NDUFAF6: variants seen among roughly 807,000 people sequenced by gnomAD.
NDUFAF6 encodes the protein NADH:ubiquinone oxidoreductase complex assembly factor 6.
Under a neutral mutation model 40.8 loss-of-function variants are expected in NDUFAF6, and 45 were observed. That is an observed-to-expected ratio of 1.10 (90% CI 0.87 to 1.42). The LOEUF (loss-of-function observed/expected upper bound fraction) is 1.42, where lower values mean the gene tolerates loss of function less well. Ranked by LOEUF, NDUFAF6 falls within the 40% of genes most tolerant of loss-of-function variation. The pLI is 0.00. For synonymous variants in NDUFAF6, 185 were observed against 155.9 expected (o/e 1.19, Z -1.39); for missense variants, 435 against 418.5 (o/e 1.04, Z -0.34).
At chr8:94,968,861 T>C (rs548215740) in intron 1 of NDUFAF6, among the ~76,000 whole-genome samples, 24 of 152,162 alleles carry the variant, frequency 1.6e-4, no homozygotes, top group African/African-American at 5.8e-4. Flanking sequence ...GTTCTAGATA[T>C]ATTTGATAAG....
chr8:94,900,127 T>C (rs1817921987), intron 1 of NDUFAF6, among the ~76,000 whole-genome samples: 1 of 152,144 alleles, frequency 6.6e-6, no homozygotes, highest in South Asian at 2.1e-4. Context: ...AACTTATGCT[T>C]GCCTCTACCC....
At chr8:95,106,274 C>CA (rs772574749), downstream of NDUFAF6, among the ~76,000 whole-genome samples, 1,347 of 87,374 alleles carry the variant, frequency 0.015, 11 homozygotes, top group East Asian at 0.076. Context: ...GACTCCATCT[C>CA]AAAAAAAAAA....
intron 8 of NDUFAF6, among the ~76,000 whole-genome samples, chr8:95,054,976 C>G (rs1831942364): frequency 6.6e-6 from 1 of 152,192 alleles, no homozygotes; most frequent in African/African-American, 2.4e-5. Context: ...AATTCATATT[C>G]AGAAATTTAT....
intron 1 of NDUFAF6, among the ~76,000 whole-genome samples, chr8:94,914,277 C>T (rs1052093791): frequency 6.6e-6 from 1 of 152,062 alleles, no homozygotes; most frequent in Non-Finnish European, 1.5e-5. Context: ...AAGTCTTCAT[C>T]TGTAGATTTG....
chr8:95,088,395 G>A (rs1352802020), intron 2 of NDUFAF6, among the ~76,000 whole-genome samples: 1 of 152,136 alleles, frequency 6.6e-6, no homozygotes, highest in Non-Finnish European at 1.5e-5. Context: ...CCTTCCCCAC[G>A]TTGAGCTAGA....
At chr8:94,948,781 G>A (rs563104575) in intron 2 of NDUFAF6, among the ~76,000 whole-genome samples, 22 of 152,252 alleles carry the variant, frequency 1.4e-4, no homozygotes, top group South Asian at 2.1e-4. Flanking sequence ...GGAGTGAGGA[G>A]GGGTGAGAGG....
chr8:94,957,548 A>T (rs2131458459), upstream of NDUFAF6, among the ~76,000 whole-genome samples: 1 of 152,360 alleles, frequency 6.6e-6, no homozygotes, highest in East Asian at 1.9e-4. Context: ...TTGGAAGGAA[A>T]GTGTGACCAC....
downstream of NDUFAF6, among the ~76,000 whole-genome samples, chr8:95,104,933 A>C (rs1809774814): frequency 6.6e-6 from 1 of 152,132 alleles, no homozygotes; most frequent in South Asian, 2.1e-4. Context: ...AGGAAACAAA[A>C]GGATGCCCAG....
At chr8:95,096,908 G>T (rs189378549), upstream of NDUFAF6, among the ~76,000 whole-genome samples, 1 of 152,170 alleles carries the variant, frequency 6.6e-6, no homozygotes, top group East Asian at 1.9e-4. Context: ...CATTTTCCTC[G>T]TAATTGCCAA....
intron 9 of NDUFAF6, chr8:95,067,855 CT>C: frequency 6.6e-6 from 1 of 151,974 alleles, no homozygotes; most frequent in African/African-American, 2.4e-5. Context: ...GGGTGGGAGC[CT>C]TTTGTCAGAT....
At chr8:95,055,182 T>C (rs1831970048) in intron 8 of NDUFAF6, 1 of 152,160 alleles carries the variant, frequency 6.6e-6, no homozygotes, top group Non-Finnish European at 1.5e-5. Flanking sequence ...TTGGACAATA[T>C]AAACAGTATT....
At chr8:95,095,044 A>T (rs1409933176) in intron 2 of NDUFAF6, among the ~76,000 whole-genome samples, 1 of 151,844 alleles carries the variant, frequency 6.6e-6, no homozygotes, top group Non-Finnish European at 1.5e-5. Context: ...GGTGGCCACC[A>T]TGCCTGGCCC....
Position 95,045,599 on chromosome 8 carries a change from G to T in NDUFAF6, c.532G>T (p.Ala178Ser). 4 of 1,613,532 alleles carry T rather than the reference G, an allele frequency of 2.5e-6. No homozygotes were observed. The highest frequency in any genetic ancestry group is 3.4e-6 in the Non-Finnish European group (4 of 1,179,700). Residue 178 changes from alanine to serine, a missense_variant, in exon 5 of 9, where the codon GCT (alanine) becomes TCT (serine). Transcript: ENST00000396124. ...TAATATCAAGGAACTGGAAAATTAT[G>T]CTGAAAACACACAGAGCTCTCTTCT... The part of the protein sequence containing the change: ...YRNIKELENY[A>S]ENTQSSLLYL...
chr8:94,912,240 G>C (rs555833628), intron 1 of NDUFAF6, among the ~76,000 whole-genome samples: 10 of 152,306 alleles, frequency 6.6e-5, no homozygotes, highest in African/African-American at 2.2e-4. Flanking sequence ...TCTTAACCTG[G>C]AACAGTGGAA....
At chr8:94,992,516 A>C (rs115340887) in intron 2 of NDUFAF6, among the ~76,000 whole-genome samples, 2 of 152,172 alleles carry the variant, frequency 1.3e-5, no homozygotes, top group African/African-American at 4.8e-5. Context: ...ATGTTAAAAA[A>C]GTTTACATAT....
At chr8:95,022,923 G>A (rs1827750330), upstream of NDUFAF6, among the ~76,000 whole-genome samples, 2 of 152,174 alleles carry the variant, frequency 1.3e-5, no homozygotes, top group Admixed American at 6.5e-5. Flanking sequence ...ATGAGAGAGA[G>A]AGAGAGAGCA....
chr8:95,114,081 C>T (rs1810074497), intron 4 of NDUFAF6, among the ~76,000 whole-genome samples: 1 of 151,724 alleles, frequency 6.6e-6, no homozygotes, highest in South Asian at 2.1e-4. Context: ...GGGTGCAGCA[C>T]ACCAGCATGG....
downstream of NDUFAF6, among the ~76,000 whole-genome samples, chr8:95,076,872 T>TCA (rs1554689081): frequency 2.8e-4 from 6 of 21,788 alleles, no homozygotes; most frequent in Non-Finnish European, 5.1e-4. Context: ...AAACTCCGTC[T>TCA]CAAAAAAAAA....
intron 8 of NDUFAF6, chr8:95,055,211 C>G (rs1296034893): frequency 6.6e-6 from 1 of 152,250 alleles, no homozygotes; most frequent in South Asian, 2.1e-4. Context: ...ATAGCAATCA[C>G]CCATGCTTGC....
Sources: allele counts gnomAD v4.1 joint callset (sites outside exome capture counted in the v4.1 genomes callset), GRCh38; gene constraint gnomAD v4.1.1; transcripts MANE v1.5; gene names NCBI Gene and HGNC (gene_info 2026-07-23, HGNC 2026-07-21).